Variants in SLC43A2 observed in about 807,000 individuals in gnomAD.
The protein encoded by SLC43A2 is large neutral amino acids transporter small subunit 4.
Under a neutral mutation model 63.2 loss-of-function variants are expected in SLC43A2, and 38 were observed. The observed-to-expected ratio is 0.60, with a 90% confidence interval of 0.46 to 0.79. The LOEUF (loss-of-function observed/expected upper bound fraction) is 0.79. Ranked by LOEUF, SLC43A2 falls within the 30% of genes least tolerant of loss-of-function variation. The pLI, the probability that SLC43A2 is intolerant of heterozygous loss-of-function variation, is 0.00. For synonymous variants in SLC43A2, 322 were observed against 331.0 expected (o/e 0.97, Z 0.30); for missense variants, 644 against 756.2 (o/e 0.85, Z 1.74).
In SLC43A2 at chr17:1,590,795, C is replaced by A. The variant is rs1422314126; in HGVS notation, c.1078+7G>T. 1.9e-6 allele frequency: 3 copies of A among 1,552,774 alleles called. No homozygotes were observed. The highest frequency in any genetic ancestry group is 2.6e-6 in the Non-Finnish European group (3 of 1,148,118). ...TGACAGCGACCGAGGCTGCCCGGGG[C>A]ACCTACCTGTCTTCTGGTCGCCGCT... On this transcript the variant is annotated splice_region_variant and intron_variant, in intron 9 of 13. Transcript: ENST00000301335.
chr17:1,591,125 TC>T, intron 8 of SLC43A2, 143 bp downstream of exon 8: 1 of 1,274,370 alleles, frequency 7.8e-7, no homozygotes, highest in Non-Finnish European at 1.1e-6. Flanking sequence ...CAAATCCCTT[TC>T]CCTCCCCCAG....
Position 1,572,304 on chromosome 17 carries a change from C to CTGCCACAG in SLC43A2, c.*3292_*3299dup, listed in dbSNP as rs1204287188. The CTGCCACAG allele has an allele frequency of 1.4e-5, 2 of 146,622 alleles. No homozygotes were observed. Among genetic ancestry groups the CTGCCACAG allele is most frequent in the African/African-American group, 5.0e-5 (2 of 39,706 alleles). 9.1% of individuals were successfully genotyped at this position (146,622 alleles called of 1,614,324 possible). On this transcript the variant is annotated 3_prime_UTR_variant, in exon 14 of 14. Coordinates refer to ENST00000301335, the MANE Select transcript of SLC43A2 (RefSeq NM_152346.3). ...GGTCCCCCCTGCCACAGAGGTCCCC[C>CTGCCACAG]TGCCACAGAGGCCTGGTGGCCCCTG... is the stretch of plus-strand genomic sequence containing the variant.
intron 2 of SLC43A2, among the ~76,000 whole-genome samples, chr17:1,622,159 C>T (rs1236953217): frequency 6.6e-6 from 1 of 152,248 alleles, no homozygotes; most frequent in Non-Finnish European, 1.5e-5. Context: ...CTGCCGGCCC[C>T]AGCCTTTAAA....
At chr17:1,615,660 A>T (rs370388691) in intron 3 of SLC43A2, among the ~76,000 whole-genome samples, 4 of 149,548 alleles carry the variant, frequency 2.7e-5, no homozygotes, top group East Asian at 2.0e-4. Context: ...TGGCTAACAC[A>T]GTGAAACCCC....
At chr17:1,626,623 G>A (rs1161562333) in intron 2 of SLC43A2, among the ~76,000 whole-genome samples, 1 of 152,124 alleles carries the variant, frequency 6.6e-6, no homozygotes, top group African/African-American at 2.4e-5. Context: ...AGGGAAACAG[G>A]GAGGCTTCCA....
rs929592168 is a variant in SLC43A2 at position 1,606,752 on chromosome 17, G to A, written c.501+6443C>T. ...GGGAGGCTGAGGATCCACACCGTGG[G>A]GAGTGCTCTGCCCCCATGGAGTGAC... On this transcript the variant is annotated intron_variant, in intron 5 of 13. Coordinates refer to ENST00000301335, the MANE Select transcript of SLC43A2 (RefSeq NM_152346.3). This position sits in a 1 kb window ranked among gnomAD's most constrained non-coding sequence, Gnocchi z 4.7. Among the ~76,000 whole-genome samples the A allele has an allele frequency of 6.6e-6, 1 of 152,226 alleles. No homozygotes were observed. The highest frequency in any genetic ancestry group is 1.5e-5 in the Non-Finnish European group (1 of 68,032).
intron 9 of SLC43A2, chr17:1,586,946 T>TGCCCCCCCCCC: frequency 2.2e-6 from 1 of 452,476 alleles, no homozygotes; most frequent in Non-Finnish European, 3.5e-6. Context: ...ACCCCCCGCT[T>TGCCCCCCCCCC]ACCCGTGGCC....
chr17:1,623,241 T>C (rs542575812), intron 2 of SLC43A2, among the ~76,000 whole-genome samples: 2 of 152,330 alleles, frequency 1.3e-5, no homozygotes, highest in South Asian at 4.1e-4. Flanking sequence ...CCCTCTGCCC[T>C]TGCAGCGATC....
intron 9 of SLC43A2, among the ~76,000 whole-genome samples, chr17:1,586,445 C>A (rs190686112): frequency 6.6e-6 from 1 of 152,076 alleles, no homozygotes; most frequent in Non-Finnish European, 1.5e-5. Context: ...GCCTGTAATC[C>A]CAGCACTTTG....
chr17:1,586,906 A>G, intron 9 of SLC43A2: 1 of 1,524,992 alleles, frequency 6.6e-7, no homozygotes, highest in Non-Finnish European at 8.8e-7. Context: ...CTGGGAGGGG[A>G]CATCACAGCA....
At chr17:1,604,689 CT>C in intron 5 of SLC43A2, 1 of 1,525,988 alleles carries the variant, frequency 6.6e-7, no homozygotes, top group Non-Finnish European at 8.8e-7. Flanking sequence ...CTAGAGATGG[CT>C]TACATTCCTT....
intron 9 of SLC43A2, chr17:1,586,928 T>TGGGC: frequency 9.0e-4 from 1,113 of 1,231,186 alleles, no homozygotes; most frequent in Non-Finnish European, 1.1e-3. Context: ...TCCCTGACAA[T>TGGGC]CCCCCCCACC....
intron 5 of SLC43A2, among the ~76,000 whole-genome samples, chr17:1,603,551 G>A (rs754033376): frequency 2.0e-5 from 3 of 152,008 alleles, no homozygotes; most frequent in Non-Finnish European, 4.4e-5. Flanking sequence ...TTGGGAGGCC[G>A]AGGCAGGGGA....
At chr17:1,580,424 G>A (rs193170299) in intron 11 of SLC43A2, among the ~76,000 whole-genome samples, 1 of 152,338 alleles carries the variant, frequency 6.6e-6, no homozygotes. Context: ...GCCTCGAGCT[G>A]CCTTTGCCCA....
chr17:1,594,545 C>T (rs1278248733), intron 5 of SLC43A2, among the ~76,000 whole-genome samples: 1 of 152,032 alleles, frequency 6.6e-6, no homozygotes, highest in Non-Finnish European at 1.5e-5. Context: ...CCTCCACCCT[C>T]CCCACCACTC....
chr17:1,619,324 A>C lies in SLC43A2; in HGVS notation c.161-2555T>G, dbSNP rs143523828. The stretch of plus-strand genomic sequence containing the variant: ...CTCGAAAAACAAAACAGAACAAAAC[A>C]AAACAAAAACAATGGCACCAGATCA... On this transcript the variant is annotated intron_variant, in intron 2 of 13. Coordinates refer to ENST00000301335, the MANE Select transcript of SLC43A2 (RefSeq NM_152346.3). Among the ~76,000 whole-genome samples, 229 of 152,300 alleles carry C rather than the reference A, an allele frequency of 1.5e-3. 2 individuals are homozygous for C. Among genetic ancestry groups the C allele is most frequent in the South Asian group, 1.0e-3 (5 of 4,826 alleles).
rs1166811862 is a variant in SLC43A2, at chr17:1,572,098, C to T, written c.*3506G>A. 6.6e-6 allele frequency: 1 copy of T among 152,554 alleles called. No individual in the cohort carries two copies. Among genetic ancestry groups the T allele is most frequent in the African/African-American group, 2.4e-5 (1 of 41,476 alleles). The allele number at this position is 152,554 out of a possible 1,614,324, so 9.5% of individuals were successfully genotyped here. A position where few individuals can be genotyped will look rare whatever the true frequency, so the allele number is the denominator to read the frequency against. On this transcript the variant is annotated 3_prime_UTR_variant, in exon 14 of 14. Transcript: ENST00000301335. ...GGGCACTTGTCTTGCTGGTTGGGGT[C>T]ACCAGGGATTGCTCCCCCAAGTACC...
In SLC43A2 at chr17:1,605,180, G is replaced by A. The variant is rs1300573769; in HGVS notation, c.501+8015C>T. ...GGGTCAACCTGTCCTGCCAGCCCGG[G>A]CTGTTCACTCACTGCCTCCACGCAG... On this transcript the variant is annotated intron_variant, in intron 5 of 13. Transcript: ENST00000301335. This position sits in a 1 kb window ranked among gnomAD's most constrained non-coding sequence, Gnocchi z 4.9. 3 of 1,182,382 alleles carry A rather than the reference G, an allele frequency of 2.5e-6. No homozygotes were observed. Among genetic ancestry groups the A allele is most frequent in the Non-Finnish European group, 3.2e-6 (3 of 946,592 alleles). 73.2% of individuals were successfully genotyped at this position (1,182,382 alleles called of 1,614,324 possible). A position where few individuals can be genotyped will look rare whatever the true frequency, so the allele number is the denominator to read the frequency against.
chr17:1,627,691 C>CG, intron 2 of SLC43A2, 24 bp downstream of exon 2: 1 of 1,498,252 alleles, frequency 6.7e-7, no homozygotes, highest in Non-Finnish European at 8.9e-7. Flanking sequence ...AGGAGCCCCC[C>CG]GCAACCCCAG....
Sources: allele counts gnomAD v4.1 joint callset (sites outside exome capture counted in the v4.1 genomes callset), GRCh38; gene constraint gnomAD v4.1.1; non-coding constraint Gnocchi (gnomAD v3.1); transcripts MANE v1.5; gene names NCBI Gene and HGNC (gene_info 2026-07-23, HGNC 2026-07-21).